RAB40B: variants seen among roughly 807,000 people sequenced by gnomAD.
The protein encoded by RAB40B is ras-related protein Rab-40B.
Under a neutral mutation model 24.0 loss-of-function variants are expected in RAB40B, and 21 were observed. That is an observed-to-expected ratio of 0.88 (90% confidence interval 0.62 to 1.26). The LOEUF is 1.26. Among genes scored for constraint, RAB40B ranks in the 50% most tolerant of loss-of-function variants. The pLI is 0.00. For missense variants in RAB40B, 348 were observed against 390.5 expected (o/e 0.89, Z 0.92); for synonymous variants, 167 against 169.8 (o/e 0.98, Z 0.13).
chr17:82,691,252 C>G (rs1244134841), intron 1 of RAB40B, among the ~76,000 whole-genome samples: 1 of 152,142 alleles, frequency 6.6e-6, no homozygotes, highest in Non-Finnish European at 1.5e-5. Context: ...GACTTTTATG[C>G]TGGGAAAAGG....
intron 1 of RAB40B, among the ~76,000 whole-genome samples, chr17:82,682,104 TACAC>T (rs758485165): frequency 2.4e-4 from 25 of 103,556 alleles, no homozygotes; most frequent in East Asian, 5.5e-4. Flanking sequence ...GACATTACTA[TACAC>T]ACACACACGC....
intron 1 of RAB40B, among the ~76,000 whole-genome samples, chr17:82,690,402 A>T (rs59071512): frequency 8.3e-6 from 1 of 120,720 alleles, no homozygotes; most frequent in African/African-American, 4.1e-5. Flanking sequence ...GAGTGTGCAC[A>T]TGTGTTCTCA....
rs923964463 is a variant in RAB40B at position 82,667,448 on chromosome 17, C to A, written c.143-2892G>T. 3.1e-5 allele frequency among the ~76,000 whole-genome samples: 2 copies of A among 65,144 alleles called. No individual in the cohort carries two copies. The highest frequency in any genetic ancestry group is 1.5e-4 in the Admixed American group (1 of 6,788). 42.7% of individuals were successfully genotyped at this position (65,144 alleles called of 152,430 possible). ...CTGATCTGAGCACACCTGTGCAGCG[C>A]CTTCCATGAGATCCCGAGCACCCCT... On this transcript the variant is annotated intron_variant, in intron 1 of 5. Transcript: ENST00000571995. The surrounding 1 kb of genome is among the most constrained non-coding windows in gnomAD (Gnocchi z 4.3).
At chr17:82,660,150 G>A (rs1345684287) in intron 3 of RAB40B, among the ~76,000 whole-genome samples, 2 of 149,828 alleles carry the variant, frequency 1.3e-5, no homozygotes, top group East Asian at 4.0e-4. Context: ...CTCATGCACA[G>A]ACGCACACAG....
intron 3 of RAB40B, 71 bp downstream of exon 3, chr17:82,660,916 G>C (rs113228947): frequency 0.036 from 54,604 of 1,525,820 alleles, 1,098 homozygotes; most frequent in Middle Eastern, 0.054. Context: ...TTAAAGGATG[G>C]TAAGTTAAGC....
At chr17:82,674,944 C>T (rs2046381718) in intron 1 of RAB40B, among the ~76,000 whole-genome samples, 1 of 152,184 alleles carries the variant, frequency 6.6e-6, no homozygotes, top group Non-Finnish European at 1.5e-5. Context: ...ACGCCTGAAA[C>T]TACACCAGCC....
intron 1 of RAB40B, among the ~76,000 whole-genome samples, chr17:82,693,065 C>T (rs1401677850): frequency 1.3e-5 from 2 of 151,574 alleles, no homozygotes; most frequent in African/African-American, 4.9e-5. Context: ...TGCAGTGGTG[C>T]GATCTCAGCT....
chr17:82,691,764 G>A (rs1350509284), intron 1 of RAB40B, among the ~76,000 whole-genome samples: 1 of 152,234 alleles, frequency 6.6e-6, no homozygotes, highest in Non-Finnish European at 1.5e-5. Flanking sequence ...GGAAGCACCA[G>A]CTGGGGTGGC....
In RAB40B at chr17:82,697,959, C is replaced by T. The variant is rs2046628456; in HGVS notation, c.142+496G>A. ...CCTCCCCTCCGACCCACGCGCAGACCCAGCACCTGGGCGCCTGCTCGCCGC... is the reference window on the plus strand; with the variant it reads ...CCTCCCCTCCGACCCACGCGCAGACTCAGCACCTGGGCGCCTGCTCGCCGC... On this transcript the variant is annotated intron_variant, in intron 1 of 5. Coordinates refer to ENST00000571995, the MANE Select transcript of RAB40B (RefSeq NM_006822.3). The surrounding 1 kb of genome is among the most constrained non-coding windows in gnomAD (Gnocchi z 4.9). Among the ~76,000 whole-genome samples, 1 of 152,132 alleles carries T rather than the reference C, an allele frequency of 6.6e-6. No homozygotes were observed. The highest frequency in any genetic ancestry group is 1.5e-5 in the Non-Finnish European group (1 of 67,998).
chr17:82,679,313 GCT>G (rs1414777845), intron 1 of RAB40B, among the ~76,000 whole-genome samples: 10 of 150,330 alleles, frequency 6.7e-5, no homozygotes, highest in African/African-American at 1.7e-4. Context: ...ATGGAGTCTT[GCT>G]CTGTCGCCCA....
chr17:82,661,339 A>G, intron 2 of RAB40B: 1 of 1,091,922 alleles, frequency 9.2e-7, no homozygotes, highest in Non-Finnish European at 1.1e-6. Flanking sequence ...AGGCTTTAAA[A>G]AACTTGTTGA....
intron 1 of RAB40B, among the ~76,000 whole-genome samples, chr17:82,690,298 A>C (rs2046542910): frequency 6.7e-6 from 1 of 150,098 alleles, no homozygotes; most frequent in Non-Finnish European, 1.5e-5. Flanking sequence ...AGATCTGCAG[A>C]ATTGGAGGGA....
intron 4 of RAB40B, chr17:82,659,046 G>T (rs1378590920): frequency 6.5e-6 from 2 of 308,520 alleles, no homozygotes; most frequent in African/African-American, 2.1e-5. Context: ...CGAGAGCTGG[G>T]AGAGGCGGCT....
Position 82,663,481 on chromosome 17 carries a change from A to C in RAB40B, c.203+1015T>G, listed in dbSNP as rs2046202651. On this transcript the variant is annotated intron_variant, in intron 2 of 5. Transcript: ENST00000571995. This position sits in a 1 kb window ranked among gnomAD's most constrained non-coding sequence, Gnocchi z 6.2. ...CAGGAGCTCCCCCCATCCCAAGCCA[A>C]GAGCGGGTGGAGGGAGAGGTGTTCC... Among the ~76,000 whole-genome samples the C allele has an allele frequency of 6.6e-6, 1 of 152,116 alleles. No individual in the cohort carries two copies. The highest frequency in any genetic ancestry group is 2.1e-4 in the South Asian group (1 of 4,832).
At chr17:82,676,118 C>T (rs766608973) in intron 1 of RAB40B, among the ~76,000 whole-genome samples, 31 of 152,260 alleles carry the variant, frequency 2.0e-4, no homozygotes, top group Non-Finnish European at 4.0e-4. Flanking sequence ...GGGAACCGAC[C>T]GCCTCGTGGG....
chr17:82,683,156 G>C (rs993403980), intron 1 of RAB40B, among the ~76,000 whole-genome samples: 10 of 151,618 alleles, frequency 6.6e-5, no homozygotes, highest in African/African-American at 1.9e-4. Context: ...AACAAACAAA[G>C]AAACAAACAA....
In RAB40B at chr17:82,667,412, G is replaced by A. The variant is rs567637752; in HGVS notation, c.143-2856C>T. Among the ~76,000 whole-genome samples, 11 of 152,316 alleles carry A rather than the reference G, an allele frequency of 7.2e-5. No homozygotes were observed. Among genetic ancestry groups the A allele is most frequent in the Admixed American group, 5.9e-4 (9 of 15,308 alleles). On this transcript the variant is annotated intron_variant, in intron 1 of 5. Coordinates refer to ENST00000571995, the MANE Select transcript of RAB40B (RefSeq NM_006822.3). This position sits in a 1 kb window ranked among gnomAD's most constrained non-coding sequence, Gnocchi z 4.3. ...CTGATGCAGCCATGAGCACGTGCAT[G>A]GCACACCTGCCTGATCTGAGCACAC...
chr17:82,692,341 A>G lies in RAB40B; in HGVS notation c.142+6114T>C, dbSNP rs908502787. 5.3e-5 allele frequency among the ~76,000 whole-genome samples: 8 copies of G among 152,198 alleles called. No homozygotes were observed. The highest frequency in any genetic ancestry group is 1.9e-4 in the African/African-American group (8 of 41,448). On this transcript the variant is annotated intron_variant, in intron 1 of 5. Coordinates refer to ENST00000571995, the MANE Select transcript of RAB40B (RefSeq NM_006822.3). This position sits in a 1 kb window ranked among gnomAD's most constrained non-coding sequence, Gnocchi z 4.0. ...CTCTGCCCTGCAACTACAGACCGAG[A>G]GGAAGACAAACGCCCAGGAGGGAGA...
At chr17:82,694,238 G>A (rs1446671944) in intron 1 of RAB40B, among the ~76,000 whole-genome samples, 1 of 150,978 alleles carries the variant, frequency 6.6e-6, no homozygotes, top group African/African-American at 2.5e-5. Flanking sequence ...AAGATAATCA[G>A]AAAAATTCAG....
Sources: gnomAD v4.1 joint callset for allele counts (sites outside exome capture counted in the v4.1 genomes callset) on GRCh38, gnomAD v4.1.1 for gene constraint, Gnocchi (gnomAD v3.1) non-coding constraint, MANE v1.5 for transcripts, NCBI Gene and HGNC (gene_info 2026-07-23, HGNC 2026-07-21) for gene names.